Variants in TOX2 observed in about 807,000 individuals in gnomAD.
TOX2 encodes the protein TOX high mobility group box family member 2, also known as granulosa cell HMG box 1.
Under a neutral mutation model 47.4 loss-of-function variants are expected in TOX2, and 15 were observed. The observed-to-expected ratio is 0.32, with a 90% CI of 0.21 to 0.49. TOX2 has a LOEUF of 0.49. TOX2 is among the 20% of genes least tolerant of loss of function. The pLI is 0.99. For synonymous variants in TOX2, 290 were observed against 296.6 expected (o/e 0.98, Z 0.23); for missense variants, 622 against 673.1 (o/e 0.92, Z 0.84).
At chr20:44,041,405 C>A (rs986814527) in intron 3 of TOX2, among the ~76,000 whole-genome samples, 1 of 152,286 alleles carries the variant, frequency 6.6e-6, no homozygotes, top group African/African-American at 2.4e-5. Context: ...TAGCAGGCCT[C>A]AAATGAGAGG....
chr20:44,051,714 G>A (rs1047666433), intron 4 of TOX2, among the ~76,000 whole-genome samples, 169 bp downstream of exon 4: 2 of 152,194 alleles, frequency 1.3e-5, no homozygotes, highest in Admixed American at 6.5e-5. Context: ...TGGCGGTTGG[G>A]ATGTCCGCCA....
At chr20:44,041,363 C>T (rs775760348) in intron 3 of TOX2, among the ~76,000 whole-genome samples, 158 of 152,250 alleles carry the variant, frequency 1.0e-3, no homozygotes, top group Non-Finnish European at 1.4e-3. Context: ...GGTCCGGCAC[C>T]GACAGTGTCC....
chr20:44,032,584 AGTT>A (rs903548952), intron 3 of TOX2, among the ~76,000 whole-genome samples: 167 of 152,022 alleles, frequency 1.1e-3, no homozygotes, highest in African/African-American at 3.7e-3. Flanking sequence ...GTGGTGGTTG[AGTT>A]GTTATAGGGG....
chr20:44,052,875 G>A (rs2071541320), intron 4 of TOX2, among the ~76,000 whole-genome samples: 1 of 152,178 alleles, frequency 6.6e-6, no homozygotes. Flanking sequence ...CTTTATCAAT[G>A]ACAACATGCC....
chr20:43,994,973 C>T (rs1046679572), intron 2 of TOX2, among the ~76,000 whole-genome samples: 3 of 152,056 alleles, frequency 2.0e-5, no homozygotes, highest in East Asian at 1.9e-4. Context: ...TGGCCTGGCT[C>T]GGCTTGGAGG....
At chr20:43,951,836 T>C (rs1600675802) in intron 1 of TOX2, among the ~76,000 whole-genome samples, 1 of 150,416 alleles carries the variant, frequency 6.6e-6, no homozygotes, top group African/African-American at 2.4e-5. Flanking sequence ...CTTAGCCTCC[T>C]GATTAGGACT....
At chr20:44,006,925 G>C in intron 3 of TOX2, 133 bp downstream of exon 3, 1 of 1,347,696 alleles carries the variant, frequency 7.4e-7, no homozygotes, top group Non-Finnish European at 9.8e-7. Context: ...CTGGTTGCTT[G>C]GAGTTGGTAA....
chr20:43,986,367 C>T (rs1051561626), intron 2 of TOX2, among the ~76,000 whole-genome samples: 15 of 152,062 alleles, frequency 9.9e-5, no homozygotes, highest in African/African-American at 3.4e-4. Context: ...CTGCAACCTC[C>T]GCCTCCTGGG....
intron 3 of TOX2, among the ~76,000 whole-genome samples, chr20:44,021,614 C>T (rs2070976750): frequency 6.6e-6 from 1 of 152,110 alleles, no homozygotes; most frequent in African/African-American, 2.4e-5. Context: ...ATTGGCTGTG[C>T]CCTGCATGCT....
intron 3 of TOX2, among the ~76,000 whole-genome samples, chr20:44,015,808 C>T (rs1317741711): frequency 2.0e-5 from 3 of 152,166 alleles, no homozygotes; most frequent in South Asian, 2.1e-4. Context: ...CATCCCATCC[C>T]TCATGCTTAA....
chr20:43,970,109 G>A (rs1031409516), intron 1 of TOX2, among the ~76,000 whole-genome samples: 1 of 152,172 alleles, frequency 6.6e-6, no homozygotes, highest in African/African-American at 2.4e-5. Context: ...CTCTAGAAAA[G>A]CATTGGTCCC....
chr20:43,973,980 C>T (rs1181177560), intron 2 of TOX2, among the ~76,000 whole-genome samples: 1 of 152,204 alleles, frequency 6.6e-6, no homozygotes, highest in Non-Finnish European at 1.5e-5. Flanking sequence ...CAGCCTGGCC[C>T]TCTGGGGGGT....
At chr20:44,042,548 G>T (rs1402413151) in intron 3 of TOX2, among the ~76,000 whole-genome samples, 1 of 152,166 alleles carries the variant, frequency 6.6e-6, no homozygotes, top group Non-Finnish European at 1.5e-5. Flanking sequence ...AGGAAACTTA[G>T]CAAAAAGGCA....
At chr20:44,064,880 A>G (rs769647307) in intron 6 of TOX2, 23 bp downstream of exon 6, 2 of 1,612,474 alleles carry the variant, frequency 1.2e-6, no homozygotes, top group Admixed American at 3.3e-5. Flanking sequence ...ATCTCCAGGC[A>G]CAGCCCTGAT....
chr20:43,990,392 A>C lies in TOX2; in HGVS notation c.166-16155A>C, dbSNP rs376213051. Reference sequence around the variant, plus strand: ...ATGAGCTCTGGGTGGCAGCCCCCTGATGGGATGTTTGGGGCATAGTTACAG... The same window carrying C: ...ATGAGCTCTGGGTGGCAGCCCCCTGCTGGGATGTTTGGGGCATAGTTACAG... On this transcript the variant is annotated intron_variant, in intron 2 of 8. Transcript: ENST00000341197. 7.0e-4 allele frequency among the ~76,000 whole-genome samples: 107 copies of C among 152,236 alleles called. 1 individual carries two copies. The South Asian group carries it at 0.022, about 31-fold the overall frequency.
At chr20:44,032,324 A>C (rs546078208) in intron 3 of TOX2, among the ~76,000 whole-genome samples, 1 of 152,316 alleles carries the variant, frequency 6.6e-6, no homozygotes, top group South Asian at 2.1e-4. Context: ...TGTGCATTGC[A>C]GGATGTTGGC....
chr20:44,012,104 C>A (rs2070786402), intron 3 of TOX2, among the ~76,000 whole-genome samples: 1 of 152,192 alleles, frequency 6.6e-6, no homozygotes, highest in South Asian at 2.1e-4. Context: ...TTTCATAACT[C>A]AATAATTTTA....
chr20:43,962,338 T>C (rs1275192726), intron 1 of TOX2, among the ~76,000 whole-genome samples: 1 of 152,198 alleles, frequency 6.6e-6, no homozygotes, highest in Non-Finnish European at 1.5e-5. Context: ...GGGGCAGAGC[T>C]GCCCTAGGTT....
intron 1 of TOX2, among the ~76,000 whole-genome samples, chr20:43,939,132 C>T (rs1234661124): frequency 6.6e-6 from 1 of 152,162 alleles, no homozygotes; most frequent in Non-Finnish European, 1.5e-5. Flanking sequence ...ACGAGGAGAT[C>T]AGTGACTCAG....
Sources: allele counts gnomAD v4.1 joint callset (sites outside exome capture counted in the v4.1 genomes callset), GRCh38; gene constraint gnomAD v4.1.1; transcripts MANE v1.5; gene names NCBI Gene and HGNC (gene_info 2026-07-23, HGNC 2026-07-21).